The following CUEDC1 variants were observed in gnomAD, a reference collection of about 807,000 sequenced individuals.
The protein encoded by CUEDC1 is CUE domain containing 1, also known as CUE domain-containing protein 1.
CUEDC1 carries 30 observed loss-of-function variants against 43.7 expected under a neutral mutation model. The ratio of observed to expected loss-of-function variants is 0.69; its 90% CI spans 0.51 to 0.93. The LOEUF is 0.93. CUEDC1 is among the 40% of genes least tolerant of loss of function. The probability of loss-of-function intolerance (pLI) is 0.00; values close to 1 mark genes in which losing one functional copy is unlikely to be tolerated. For synonymous variants in CUEDC1, 223 were observed against 223.6 expected (o/e 1.00, Z 0.02); for missense variants, 486 against 549.0 (o/e 0.89, Z 1.15).
At position 57,885,515 on chromosome 17, in the gene CUEDC1, G is replaced by A; in HGVS notation, c.50C>T (p.Thr17Ile). The part of the protein sequence containing the change: ...RSSSGSGGGG[T>I]AGARGGGGGT... ...TCCCCCGCCCCCGCGTGCCCCGGCG[G>A]TGCCACCCCCGCCGCTGCCGCTGCT... Residue 17 changes from threonine (T) to isoleucine (I), a missense_variant, in exon 2 of 11, where the codon ACC becomes ATC. Coordinates refer to ENST00000577830, the MANE Select transcript of CUEDC1 (RefSeq NM_001271875.2). 1 of 1,414,152 alleles carries A rather than the reference G, an allele frequency of 7.1e-7. No individual in the cohort carries two copies. The highest frequency in any genetic ancestry group is 9.2e-7 in the Non-Finnish European group (1 of 1,090,898). The allele number at this position is 1,414,152 out of a possible 1,614,324, so 87.6% of individuals were successfully genotyped here.
intron 10 of CUEDC1, among the ~76,000 whole-genome samples, chr17:57,864,631 C>T (rs1314235161): frequency 6.6e-6 from 1 of 152,088 alleles, no homozygotes; most frequent in Non-Finnish European, 1.5e-5. Context: ...GAGGGGCTGT[C>T]AGCCTGCAGT....
intron 10 of CUEDC1, 65 bp from the exon 11 acceptor site, chr17:57,863,350 A>G (rs1273512070): frequency 6.6e-6 from 1 of 152,426 alleles, no homozygotes; most frequent in Non-Finnish European, 1.5e-5. Context: ...TTTCCTGGTC[A>G]CTGGTTCCTG....
intron 3 of CUEDC1, among the ~76,000 whole-genome samples, chr17:57,877,800 A>C (rs988252249): frequency 5.4e-5 from 8 of 148,336 alleles, no homozygotes; most frequent in African/African-American, 2.0e-4. Flanking sequence ...CAGAAGAATC[A>C]CTTGAACCTG....
intron 6 of CUEDC1, among the ~76,000 whole-genome samples, chr17:57,870,428 C>T (rs554115856): frequency 6.6e-6 from 1 of 152,266 alleles, no homozygotes; most frequent in African/African-American, 2.4e-5. Flanking sequence ...CCTCCAACAC[C>T]TAGGGCAAGG....
At chr17:57,926,613 C>T (rs926793270) in intron 1 of CUEDC1, among the ~76,000 whole-genome samples, 5 of 152,234 alleles carry the variant, frequency 3.3e-5, no homozygotes, top group Middle Eastern at 6.8e-3. Context: ...GACAACATAG[C>T]AAGACCCTGT....
intron 1 of CUEDC1, among the ~76,000 whole-genome samples, chr17:57,953,695 G>A (rs1018718876): frequency 6.6e-6 from 1 of 152,158 alleles, no homozygotes; most frequent in African/African-American, 2.4e-5. Context: ...CCAACCTCTG[G>A]CCCTAGTTGG....
intron 1 of CUEDC1, chr17:57,903,479 T>C (rs1477390398): frequency 6.6e-6 from 1 of 152,040 alleles, no homozygotes; most frequent in African/African-American, 2.4e-5. Flanking sequence ...GCTAGGAGGG[T>C]GGGGCAGGCT....
intron 9 of CUEDC1, chr17:57,867,100 A>C (rs2073969933): frequency 1.8e-6 from 1 of 564,284 alleles, no homozygotes; most frequent in African/African-American, 1.9e-5. Context: ...ATTCCCCAGA[A>C]ACAGTACCTG....
At chr17:57,901,059 G>A (rs954546388) in intron 1 of CUEDC1, among the ~76,000 whole-genome samples, 2 of 152,164 alleles carry the variant, frequency 1.3e-5, no homozygotes, top group Non-Finnish European at 2.9e-5. Flanking sequence ...AGCTCCCTGG[G>A]TCATTCTGAT....
rs903177101 is a variant in CUEDC1, at chr17:57,885,610, C to G, written c.-46G>C. ...AAATGTTTCTAGCCGGCCGCAAAGCCCCTTCCCCAGGGTCTTTCCGCCGTC... is the reference window on the plus strand; with the variant it reads ...AAATGTTTCTAGCCGGCCGCAAAGCGCCTTCCCCAGGGTCTTTCCGCCGTC... On this transcript the variant is annotated 5_prime_UTR_variant, in exon 2 of 11. Coordinates refer to ENST00000577830, the MANE Select transcript of CUEDC1 (RefSeq NM_001271875.2). 3 of 1,343,444 alleles carry G rather than the reference C, an allele frequency of 2.2e-6. No individual in the cohort carries two copies. In the African/African-American group the frequency reaches 4.6e-5, roughly 21 times the overall value. The allele number at this position is 1,343,444 out of a possible 1,614,324, so 83.2% of individuals were successfully genotyped here.
rs183683622 is a variant in CUEDC1 at position 57,861,582 on chromosome 17, T to C, written c.*1707A>G. ...AGCAGGAGGGTCCAGCCCACGCCGCTGGCCACATCAGAGCACCAAGAGAAC... is the reference window on the plus strand; with the variant it reads ...AGCAGGAGGGTCCAGCCCACGCCGCCGGCCACATCAGAGCACCAAGAGAAC... On this transcript the variant is annotated 3_prime_UTR_variant, in exon 11 of 11. Transcript: ENST00000577830. 8.5e-4 allele frequency: 130 copies of C among 152,274 alleles called. No homozygotes were observed. The highest frequency in any genetic ancestry group is 2.9e-3 in the African/African-American group (120 of 41,498). The allele number at this position is 152,274 out of a possible 1,614,324, so 9.4% of individuals were successfully genotyped here. A position where few individuals can be genotyped will look rare whatever the true frequency, so the allele number is the denominator to read the frequency against.
At position 57,930,267 on chromosome 17, in the gene CUEDC1, A is replaced by G. The variant is rs1429368442; in HGVS notation, c.-316+24958T>C. On this transcript the variant is annotated intron_variant, in intron 1 of 10. Transcript: ENST00000577830. The surrounding 1 kb of genome is among the most constrained non-coding windows in gnomAD (Gnocchi z 4.2). Reference sequence around the variant, plus strand: ...TTGGGTAGCAAGTCTCCAACTGCACAAGCAGACCAGAGCCAACGAGGCTGA... The same window carrying G: ...TTGGGTAGCAAGTCTCCAACTGCACGAGCAGACCAGAGCCAACGAGGCTGA... Among the ~76,000 whole-genome samples, 2 of 152,204 alleles carry G rather than the reference A, an allele frequency of 1.3e-5. No homozygotes were observed. The highest frequency in any genetic ancestry group is 3.9e-4 in the East Asian group (2 of 5,180).
chr17:57,932,354 G>A (rs1218533261), intron 1 of CUEDC1, among the ~76,000 whole-genome samples: 1 of 150,584 alleles, frequency 6.6e-6, no homozygotes, highest in Non-Finnish European at 1.5e-5. Context: ...AGGAGGCCGA[G>A]ATGGGCAAAT....
rs1223841540 is a variant in CUEDC1 at position 57,867,366 on chromosome 17, G to T, written c.1084C>A (p.His362Asn). ...TCCCCTCCAGCCTCACCACACGCGTGGCCCTCCACATCATCCAGGAGGTTG... is the reference window on the plus strand; with the variant it reads ...TCCCCTCCAGCCTCACCACACGCGTTGCCCTCCACATCATCCAGGAGGTTG... ...TANLLDDVEG[H>N]ACDEDFRGRR... Residue 362 changes from histidine (H) to asparagine (N), a missense_variant, in exon 9 of 11, where the codon CAC (histidine) becomes AAC (asparagine). Transcript: ENST00000577830. 3.9e-6 allele frequency: 6 copies of T among 1,552,054 alleles called. No homozygotes were observed. The highest frequency in any genetic ancestry group is 3.9e-5 in the Admixed American group (2 of 51,048).
At chr17:57,935,624 A>G (rs1460184799) in intron 1 of CUEDC1, among the ~76,000 whole-genome samples, 1 of 151,982 alleles carries the variant, frequency 6.6e-6, no homozygotes, top group Non-Finnish European at 1.5e-5. Context: ...AAGCCCCAGC[A>G]GGCTGGAACT....
At chr17:57,910,871 C>G (rs951918215) in intron 1 of CUEDC1, among the ~76,000 whole-genome samples, 17 of 152,070 alleles carry the variant, frequency 1.1e-4, no homozygotes, top group African/African-American at 4.1e-4. Context: ...GTCACCAGGC[C>G]TTCACAGTAC....
chr17:57,881,807 C>G (rs1486830796), intron 2 of CUEDC1, among the ~76,000 whole-genome samples: 1 of 152,208 alleles, frequency 6.6e-6, no homozygotes, highest in East Asian at 1.9e-4. Context: ...CTCTGTGCAG[C>G]CTCCCAGGGC....
chr17:57,890,060 A>T (rs1243074123), intron 1 of CUEDC1, among the ~76,000 whole-genome samples: 1 of 152,124 alleles, frequency 6.6e-6, no homozygotes, highest in African/African-American at 2.4e-5. Flanking sequence ...CTTTATTACA[A>T]CTCCATGAGA....
At chr17:57,928,546 C>A (rs377623533) in intron 1 of CUEDC1, among the ~76,000 whole-genome samples, 1,797 of 86,122 alleles carry the variant, frequency 0.021, no homozygotes, top group East Asian at 0.046. Flanking sequence ...GACTCTGTCT[C>A]AAAAAAAAAA....
Sources: gnomAD v4.1 joint callset for allele counts (sites outside exome capture counted in the v4.1 genomes callset) on GRCh38, gnomAD v4.1.1 for gene constraint, Gnocchi (gnomAD v3.1) non-coding constraint, MANE v1.5 for transcripts, NCBI Gene and HGNC (gene_info 2026-07-23, HGNC 2026-07-21) for gene names.